Variants in ITGB8 observed in about 807,000 individuals in gnomAD.
ITGB8 encodes integrin beta-8.
ITGB8 carries 30 observed loss-of-function variants against 89.5 expected under a neutral mutation model. The ratio of observed to expected loss-of-function variants is 0.34; its 90% confidence interval spans 0.25 to 0.45. The LOEUF (loss-of-function observed/expected upper bound fraction) is 0.45, where lower values mean the gene tolerates loss of function less well. Among genes scored for constraint, ITGB8 ranks in the 20% least tolerant of loss-of-function variants. The pLI, the probability that ITGB8 is intolerant of heterozygous loss-of-function variation, is 1.00. For synonymous variants in ITGB8, 335 were observed against 320.4 expected (o/e 1.05, Z -0.49); for missense variants, 836 against 933.3 (o/e 0.90, Z 1.36).
At chr7:20,408,621 G>A (rs909643353) in intron 12 of ITGB8, among the ~76,000 whole-genome samples, 11 of 152,142 alleles carry the variant, frequency 7.2e-5, no homozygotes, top group Non-Finnish European at 1.2e-4. Flanking sequence ...AGAGTAGGGA[G>A]GGGAACACAT....
intron 11 of ITGB8, among the ~76,000 whole-genome samples, chr7:20,405,403 C>T (rs143597203): frequency 0.058 from 8,771 of 150,330 alleles, 391 homozygotes; most frequent in Admixed American, 0.15. Context: ...CTCCGCCTCC[C>T]GGGTTCACGC....
chr7:20,384,950 G>A (rs1043173700), intron 6 of ITGB8, among the ~76,000 whole-genome samples: 1 of 152,132 alleles, frequency 6.6e-6, no homozygotes, highest in African/African-American at 2.4e-5. Context: ...TGTAGCAATA[G>A]TATAGTTTTA....
chr7:20,336,000 C>CTTTTTTTTTTT (rs201113693), intron 1 of ITGB8, among the ~76,000 whole-genome samples: 13 of 96,386 alleles, frequency 1.3e-4, no homozygotes, highest in Non-Finnish European at 1.5e-4. Context: ...TCTTGGTTTT[C>CTTTTTTTTTTT]TTTTTTTTTT....
At chr7:20,396,993 C>G (rs1007194898) in intron 8 of ITGB8, among the ~76,000 whole-genome samples, 3 of 152,074 alleles carry the variant, frequency 2.0e-5, no homozygotes, top group Non-Finnish European at 2.9e-5. Context: ...TTTATATTAT[C>G]AAAAATCTTC....
intron 1 of ITGB8, among the ~76,000 whole-genome samples, chr7:20,361,958 TG>T (rs1785517898): frequency 1.3e-5 from 2 of 152,102 alleles, no homozygotes; most frequent in African/African-American, 4.8e-5. Context: ...TGATATAAAG[TG>T]AAGGACAAGG....
chr7:20,411,600 A>G lies in ITGB8; in HGVS notation c.*1603A>G, dbSNP rs1787764528. On this transcript the variant is annotated 3_prime_UTR_variant, in exon 14 of 14. Coordinates refer to ENST00000222573, the MANE Select transcript of ITGB8 (RefSeq NM_002214.3). The stretch of plus-strand genomic sequence containing the variant: ...AGGCCAGTGTTCATTGCACAATATC[A>G]TGCTACCTCTTGAATCTTTAAAATA... 1 of 152,632 alleles carries G rather than the reference A, an allele frequency of 6.6e-6. No homozygotes were observed. The highest frequency in any genetic ancestry group is 2.4e-5 in the African/African-American group (1 of 41,472). 9.5% of individuals were successfully genotyped at this position (152,632 alleles called of 1,614,324 possible).
chr7:20,391,323 C>A, intron 6 of ITGB8, 80 bp from the exon 7 acceptor site: 2 of 622,798 alleles, frequency 3.2e-6, no homozygotes, highest in South Asian at 3.5e-5. Flanking sequence ...GTAAGTCATA[C>A]AGTTTTCTTC....
Position 20,404,738 on chromosome 7 carries a change from G to A in ITGB8, c.1798G>A (p.Val600Met). Residue 600 changes from valine (V) to methionine (M), a missense_variant, in exon 11 of 14, where the codon GTG becomes ATG. This residue lies in a region of ITGB8 where 422 missense variants were observed against 416.9 expected (regional missense o/e 1.01). Transcript: ENST00000222573. ...AQHCVNSKGQVCSGRGTCVCG... is the reference protein window; with the variant it reads ...AQHCVNSKGQMCSGRGTCVCG... ...GCACTGTGTCAATTCAAAGGGCCAA[G>A]TGTGCAGTGGAAGAGGCACGTGTGT... 6.2e-7 allele frequency: 1 copy of A among 1,614,202 alleles called. No homozygotes were observed. The highest frequency in any genetic ancestry group is 8.5e-7 in the Non-Finnish European group (1 of 1,180,036).
At position 20,410,719 on chromosome 7, in the gene ITGB8, CTAAGT is replaced by C; in HGVS notation, c.*725_*729del. The C allele has an allele frequency of 6.6e-6, 1 of 152,552 alleles. No homozygotes were observed. The highest frequency in any genetic ancestry group is 2.4e-5 in the African/African-American group (1 of 41,430). 9.4% of individuals were successfully genotyped at this position (152,552 alleles called of 1,614,324 possible). A position where few individuals can be genotyped will look rare whatever the true frequency, so the allele number is the denominator to read the frequency against. On this transcript the variant is annotated 3_prime_UTR_variant, in exon 14 of 14. Coordinates refer to ENST00000222573, the MANE Select transcript of ITGB8 (RefSeq NM_002214.3). ...CACAGATGACTGGATTAATTAAGTG[CTAAGT>C]TACTACTGCCATAAAAAACTAATAA...
intron 1 of ITGB8, among the ~76,000 whole-genome samples, chr7:20,357,575 C>T (rs1407677759): frequency 6.6e-6 from 1 of 152,194 alleles, no homozygotes; most frequent in Non-Finnish European, 1.5e-5. Context: ...ACAACAGTTT[C>T]TTTATCGAAT....
At chr7:20,363,373 C>G (rs566836440) in intron 1 of ITGB8, among the ~76,000 whole-genome samples, 1 of 152,162 alleles carries the variant, frequency 6.6e-6, no homozygotes, top group Non-Finnish European at 1.5e-5. Context: ...GACCCCCAAA[C>G]CTGACCAAAA....
In ITGB8 at chr7:20,410,099, C is replaced by T; in HGVS notation, c.*102C>T. On this transcript the variant is annotated 3_prime_UTR_variant, in exon 14 of 14. Coordinates refer to ENST00000222573, the MANE Select transcript of ITGB8 (RefSeq NM_002214.3). Reference sequence around the variant, plus strand: ...CAGGAGGAGACAAATTGCTCACGGTCATGCCAGTTGCTGGTTGTACACTCG... The same window carrying T: ...CAGGAGGAGACAAATTGCTCACGGTTATGCCAGTTGCTGGTTGTACACTCG... 1.7e-6 allele frequency: 2 copies of T among 1,177,742 alleles called. No individual in the cohort carries two copies. The highest frequency in any genetic ancestry group is 2.4e-6 in the Non-Finnish European group (2 of 825,054). 73.0% of individuals were successfully genotyped at this position (1,177,742 alleles called of 1,614,324 possible). A position where few individuals can be genotyped will look rare whatever the true frequency, so the allele number is the denominator to read the frequency against.
At chr7:20,395,304 T>C (rs17142784) in intron 8 of ITGB8, among the ~76,000 whole-genome samples, 5,020 of 152,284 alleles carry the variant, frequency 0.033, 306 homozygotes, top group African/African-American at 0.11. Flanking sequence ...TACCATGAAA[T>C]TGCGTCATTT....
intron 1 of ITGB8, among the ~76,000 whole-genome samples, chr7:20,340,277 T>A (rs1201045333): frequency 6.6e-6 from 1 of 152,168 alleles, no homozygotes; most frequent in African/African-American, 2.4e-5. Context: ...TTCTAGAGGA[T>A]TGCCAAAAAA....
intron 1 of ITGB8, among the ~76,000 whole-genome samples, chr7:20,354,739 G>A (rs1007720072): frequency 2.0e-5 from 3 of 152,162 alleles, no homozygotes; most frequent in African/African-American, 4.8e-5. Flanking sequence ...AGGAAAACAA[G>A]AAAACTTTTT....
rs555257706 is a variant in ITGB8, at chr7:20,401,941, T to C, written c.1502T>C (p.Phe501Ser). ...CFQCDENKCH[F>S]DEDQFSSESC... ...CAGTGTGATGAGAATAAATGTCATT[T>C]TGATGAAGATCAGTTTTCTTCTGAG... The change falls in exon 10 of 14, where the codon TTT becomes TCT. Residue 501 changes from phenylalanine to serine, a missense_variant. By Grantham distance (155) the Phe-to-Ser change is radical. Coordinates refer to ENST00000222573, the MANE Select transcript of ITGB8 (RefSeq NM_002214.3). The C allele has an allele frequency of 2.5e-6, 4 of 1,614,212 alleles. No homozygotes were observed. Among genetic ancestry groups the C allele is most frequent in the South Asian group, 1.1e-5 (1 of 91,078 alleles).
chr7:20,402,008 A>T lies in ITGB8; in HGVS notation c.1569A>T (p.Arg523=). 6.2e-7 allele frequency: 1 copy of T among 1,614,184 alleles called. No individual in the cohort carries two copies. Among genetic ancestry groups the T allele is most frequent in the South Asian group, 1.1e-5 (1 of 91,088 alleles). The change falls in exon 10 of 14, where the codon CGA becomes CGT. Residue 523 remains arginine, a synonymous_variant. Coordinates refer to ENST00000222573, the MANE Select transcript of ITGB8 (RefSeq NM_002214.3). ...AGGATCAGCCTGTTTGCAGTGGTCG[A>T]GGAGTTTGTGTTTGTGGGAAATGTT... ...SHKDQPVCSG[R]GVCVCGKCSC...
At chr7:20,387,322 GCTA>G (rs2127968718) in intron 6 of ITGB8, among the ~76,000 whole-genome samples, 1 of 152,286 alleles carries the variant, frequency 6.6e-6, no homozygotes, top group East Asian at 1.9e-4. Flanking sequence ...GACATGAACC[GCTA>G]CTCATCATTG....
chr7:20,337,260 T>G (rs1199062292), intron 1 of ITGB8, among the ~76,000 whole-genome samples: 2 of 152,204 alleles, frequency 1.3e-5, no homozygotes, highest in African/African-American at 2.4e-5. Flanking sequence ...AACTGGAATT[T>G]GTAGTCATTT....
Sources: allele counts gnomAD v4.1 joint callset (sites outside exome capture counted in the v4.1 genomes callset), GRCh38; gene constraint gnomAD v4.1.1; regional missense constraint gnomAD v4.1.1; transcripts MANE v1.5; gene names NCBI Gene and HGNC (gene_info 2026-07-23, HGNC 2026-07-21).